The following FAM135B variants were observed in gnomAD, a reference collection of about 807,000 sequenced individuals.
The protein encoded by FAM135B is protein FAM135B.
In FAM135B, 43 loss-of-function variants were observed where a neutral mutation model predicts 127.7. That is an observed-to-expected ratio of 0.34 (90% CI 0.26 to 0.43). FAM135B has a LOEUF of 0.43. Among genes scored for constraint, FAM135B ranks in the 20% least tolerant of loss-of-function variants. FAM135B has a pLI of 1.00. For synonymous variants in FAM135B, 670 were observed against 665.1 expected, an observed-to-expected ratio of 1.01 and a Z score of -0.11; for missense variants, 1,558 against 1,725.6, an observed-to-expected ratio of 0.90 and a Z score of 1.72.
rs958494885 is a variant in FAM135B, at chr8:138,186,933, A to G, written c.874-8243T>C. 2.0e-5 allele frequency among the ~76,000 whole-genome samples: 3 copies of G among 152,174 alleles called. No individual in the cohort carries two copies. In the East Asian group the frequency reaches 5.8e-4, roughly 29 times the overall value. ...GGGCCCACCCCTTGGTGATTCGTGG[A>G]CTTTAAGGAAGCCACATTTCTCTGT... On this transcript the variant is annotated intron_variant, in intron 9 of 19. Coordinates refer to ENST00000395297, the MANE Select transcript of FAM135B (RefSeq NM_015912.4).
At chr8:138,228,528 C>T (rs1271912764) in intron 7 of FAM135B, among the ~76,000 whole-genome samples, 2 of 152,198 alleles carry the variant, frequency 1.3e-5, no homozygotes, top group African/African-American at 4.8e-5. Context: ...ACAAGGAGAT[C>T]TTTGAGGGTG....
intron 1 of FAM135B, among the ~76,000 whole-genome samples, chr8:138,460,694 G>A (rs1387542500): frequency 7.1e-6 from 1 of 141,086 alleles, no homozygotes; most frequent in East Asian, 2.4e-4. Flanking sequence ...AATATTCTGG[G>A]AGGCTTCTGG....
At chr8:138,476,923 G>C (rs1314744100) in intron 1 of FAM135B, among the ~76,000 whole-genome samples, 2 of 152,140 alleles carry the variant, frequency 1.3e-5, no homozygotes, top group African/African-American at 4.8e-5. Flanking sequence ...CCTTACTTTG[G>C]GTTTTCCCGA....
At chr8:138,149,354 C>T (rs934690330) in intron 13 of FAM135B, among the ~76,000 whole-genome samples, 11 of 152,070 alleles carry the variant, frequency 7.2e-5, no homozygotes, top group African/African-American at 2.4e-4. Context: ...CACCCAGGCC[C>T]TCCATGGCTT....
intron 12 of FAM135B, among the ~76,000 whole-genome samples, chr8:138,153,780 G>C (rs1818419178): frequency 6.6e-6 from 1 of 152,184 alleles, no homozygotes; most frequent in South Asian, 2.1e-4. Flanking sequence ...GGTAAACAAA[G>C]TGGCCAGGAA....
chr8:138,452,090 G>A (rs2131589404), intron 1 of FAM135B, among the ~76,000 whole-genome samples: 1 of 147,070 alleles, frequency 6.8e-6, no homozygotes, highest in South Asian at 2.2e-4. Flanking sequence ...ATTATACTAT[G>A]ACCCACAATT....
chr8:138,177,547 C>A, intron 10 of FAM135B, 127 bp from the exon 11 acceptor site: 1 of 776,058 alleles, frequency 1.3e-6, no homozygotes, highest in Non-Finnish European at 2.0e-6. Context: ...AGGCCCCTGA[C>A]CTGAAGGTTC....
At position 138,264,419 on chromosome 8, in the gene FAM135B, T is replaced by C. The variant is rs1038828529; in HGVS notation, c.297+1284A>G. ...GAGGTCTCTTCCACTTTGGGTACAG[T>C]TGTAGCTTCACGGGGCCTCCAGTGA... On this transcript the variant is annotated intron_variant, in intron 4 of 19. Transcript: ENST00000395297. 3.9e-5 allele frequency among the ~76,000 whole-genome samples: 6 copies of C among 152,188 alleles called. No homozygotes were observed. The South Asian group carries it at 1.0e-3, about 26-fold the overall frequency.
At chr8:138,280,255 CT>C (rs1824160013) in intron 3 of FAM135B, among the ~76,000 whole-genome samples, 1 of 152,200 alleles carries the variant, frequency 6.6e-6, no homozygotes, top group African/African-American at 2.4e-5. Flanking sequence ...GTAGTGTCAC[CT>C]GATTGAGTGT....
At chr8:138,289,319 T>C (rs1824927474) in intron 3 of FAM135B, among the ~76,000 whole-genome samples, 1 of 152,148 alleles carries the variant, frequency 6.6e-6, no homozygotes, top group South Asian at 2.1e-4. Context: ...TGCCTCATCT[T>C]TGCCCCTCAG....
intron 2 of FAM135B, among the ~76,000 whole-genome samples, chr8:138,343,577 C>T (rs1423819224): frequency 6.6e-6 from 1 of 152,198 alleles, no homozygotes; most frequent in Non-Finnish European, 1.5e-5. Context: ...TGAACTTTGG[C>T]TTATCATACC....
intron 2 of FAM135B, among the ~76,000 whole-genome samples, chr8:138,325,252 C>G (rs1348466618): frequency 6.6e-6 from 1 of 152,148 alleles, no homozygotes; most frequent in Non-Finnish European, 1.5e-5. Context: ...TCCGCAGAAG[C>G]CCAAAAATAG....
intron 1 of FAM135B, among the ~76,000 whole-genome samples, chr8:138,395,426 G>A (rs1371131681): frequency 6.6e-6 from 1 of 152,034 alleles, no homozygotes; most frequent in Non-Finnish European, 1.5e-5. Flanking sequence ...AAGGAGCTAT[G>A]GGGGAAAGGG....
chr8:138,445,110 T>C (rs1213078654), intron 1 of FAM135B, among the ~76,000 whole-genome samples: 2 of 152,126 alleles, frequency 1.3e-5, no homozygotes, highest in East Asian at 3.9e-4. Flanking sequence ...CAGGAAGAAG[T>C]TGAATCTCTG....
intron 3 of FAM135B, among the ~76,000 whole-genome samples, chr8:138,278,553 A>ATTTTTT (rs557719866): frequency 9.9e-5 from 6 of 60,530 alleles, no homozygotes; most frequent in African/African-American, 3.9e-4. Context: ...TAAGAACATG[A>ATTTTTT]TTTTTTTTTT....
intron 1 of FAM135B, among the ~76,000 whole-genome samples, chr8:138,405,164 CT>C (rs1367975317): frequency 1.3e-5 from 2 of 151,872 alleles, no homozygotes; most frequent in Admixed American, 6.6e-5. Context: ...CATCAGAGTG[CT>C]TGGGTGAACA....
intron 12 of FAM135B, among the ~76,000 whole-genome samples, chr8:138,163,233 A>G (rs1264137800): frequency 6.6e-6 from 1 of 152,076 alleles, no homozygotes; most frequent in African/African-American, 2.4e-5. Flanking sequence ...CACGGTTAAT[A>G]ATTGTTAGGG....
rs151277125 is a variant in FAM135B, at chr8:138,339,605, T to G, written c.77+28302A>C. On this transcript the variant is annotated intron_variant, in intron 2 of 19. Coordinates refer to ENST00000395297, the MANE Select transcript of FAM135B (RefSeq NM_015912.4). Reference sequence around the variant, plus strand: ...AAACTGCACTGGCCTTTGACAAAACTGGGACACAGATTGCATATGTGTCAC... The same window carrying G: ...AAACTGCACTGGCCTTTGACAAAACGGGGACACAGATTGCATATGTGTCAC... 8.8e-3 allele frequency among the ~76,000 whole-genome samples: 1,339 copies of G among 152,244 alleles called. 24 individuals are homozygous for G. Among genetic ancestry groups the G allele is most frequent in the African/African-American group, 0.031 (1,285 of 41,544 alleles).
rs1369190331 is a variant in FAM135B, at chr8:138,151,311, G to T, written c.3164C>A (p.Ala1055Asp). The stretch of plus-strand genomic sequence containing the variant: ...CAGGGTCTGTTTGGAAGAGAATCCA[G>T]CCCTGGCAGGGGTCTCCTTGGGCAC... The part of the protein sequence containing the change: ...SSVPKETPAR[A>D]GFSSKQTLFP... The change falls in exon 13 of 20, where the codon GCT becomes GAT. Residue 1055 changes from alanine to aspartate, a missense_variant. This residue lies in a region of FAM135B where 923 missense variants were observed against 865.3 expected (regional missense o/e 1.07). Coordinates refer to ENST00000395297, the MANE Select transcript of FAM135B (RefSeq NM_015912.4). 1.2e-6 allele frequency: 2 copies of T among 1,614,000 alleles called. No homozygotes were observed.
Sources: allele counts gnomAD v4.1 joint callset (sites outside exome capture counted in the v4.1 genomes callset), GRCh38; gene constraint gnomAD v4.1.1; regional missense constraint gnomAD v4.1.1; transcripts MANE v1.5; gene names NCBI Gene and HGNC (gene_info 2026-07-23, HGNC 2026-07-21).